ARNT2: variants seen among roughly 807,000 people sequenced by gnomAD.
ARNT2 encodes ARNT protein 2.
ARNT2 carries 36 observed loss-of-function variants against 91.7 expected under a neutral mutation model. The observed-to-expected ratio is 0.39, with a 90% CI of 0.30 to 0.52. The LOEUF (loss-of-function observed/expected upper bound fraction) is 0.52, where lower values mean the gene tolerates loss of function less well. Among genes scored for constraint, ARNT2 ranks in the 20% least tolerant of loss-of-function variants. ARNT2 has a pLI of 0.72. For synonymous variants in ARNT2, 365 were observed against 347.1 expected, an observed-to-expected ratio of 1.05 and a Z score of -0.57; for missense variants, 775 against 939.3, an observed-to-expected ratio of 0.83 and a Z score of 2.29.
chr15:80,528,120 T>C (rs893030317), intron 8 of ARNT2, among the ~76,000 whole-genome samples: 2 of 151,988 alleles, frequency 1.3e-5, no homozygotes, highest in Non-Finnish European at 2.9e-5. Context: ...GCCGTGCACA[T>C]GGGGAGGGGT....
intron 8 of ARNT2, among the ~76,000 whole-genome samples, chr15:80,540,686 C>T (rs1373218363): frequency 4.6e-5 from 7 of 151,986 alleles, no homozygotes; most frequent in Non-Finnish European, 1.5e-5. Context: ...TCTATTGTTG[C>T]CATCTTTATA....
intron 5 of ARNT2, among the ~76,000 whole-genome samples, chr15:80,502,429 G>T (rs1897213103): frequency 6.6e-6 from 1 of 152,324 alleles, no homozygotes; most frequent in South Asian, 2.1e-4. Context: ...AAAGAGAAAG[G>T]CTGTGGGTGC....
intron 17 of ARNT2, among the ~76,000 whole-genome samples, chr15:80,584,924 G>A (rs1255746359): frequency 6.6e-6 from 1 of 152,244 alleles, no homozygotes; most frequent in Non-Finnish European, 1.5e-5. Flanking sequence ...TGGACCAGGG[G>A]CAGACATCGA....
Position 80,595,105 on chromosome 15 carries a change from G to A in ARNT2, c.*1407G>A, listed in dbSNP as rs1365547727. The A allele has an allele frequency of 1.3e-5, 2 of 152,256 alleles. No homozygotes were observed. The highest frequency in any genetic ancestry group is 2.9e-5 in the Non-Finnish European group (2 of 68,114). 9.4% of individuals were successfully genotyped at this position (152,256 alleles called of 1,614,324 possible). On this transcript the variant is annotated 3_prime_UTR_variant, in exon 19 of 19. Transcript: ENST00000303329. ...ATGAATCCATCCCCCTGTTTTCAGG[G>A]ACCTCTGCCTTCTCCCACACCCCTT...
intron 14 of ARNT2, among the ~76,000 whole-genome samples, chr15:80,576,338 G>A (rs888366129): frequency 1.7e-4 from 26 of 151,902 alleles, no homozygotes; most frequent in African/African-American, 4.1e-4. Context: ...GTGCAGTGGC[G>A]TGATCTCAGC....
chr15:80,478,855 T>C (rs1351712564), intron 5 of ARNT2, among the ~76,000 whole-genome samples: 1 of 152,116 alleles, frequency 6.6e-6, no homozygotes, highest in Non-Finnish European at 1.5e-5. Context: ...TCAGGTGTGG[T>C]TTAATGCCTT....
intron 3 of ARNT2, among the ~76,000 whole-genome samples, chr15:80,468,550 C>T (rs184607131): frequency 5.3e-5 from 8 of 152,278 alleles, no homozygotes; most frequent in African/African-American, 1.4e-4. Flanking sequence ...AAATAGACCT[C>T]CTCTACTTGC....
At chr15:80,459,833 T>C (rs557503214) in intron 3 of ARNT2, among the ~76,000 whole-genome samples, 1 of 152,282 alleles carries the variant, frequency 6.6e-6, no homozygotes, top group South Asian at 2.1e-4. Flanking sequence ...CTGTTACTAA[T>C]AGGAATGAGT....
At chr15:80,445,326 G>GGTGT (rs1896280353) in intron 1 of ARNT2, among the ~76,000 whole-genome samples, 1 of 150,018 alleles carries the variant, frequency 6.7e-6, no homozygotes, top group African/African-American at 2.5e-5. Flanking sequence ...GGGGGTGTGT[G>GGTGT]GTGTGAGTGG....
rs367547537 is a variant in ARNT2 at position 80,522,798 on chromosome 15, A to ATGTG, written c.877+8413_877+8416dup. On this transcript the variant is annotated intron_variant, in intron 8 of 18. Coordinates refer to ENST00000303329, the MANE Select transcript of ARNT2 (RefSeq NM_014862.4). Reference sequence around the variant, plus strand: ...ATATATATCTGTTTGATATTTACATATGTGTGTGTGTGTGTGTGTGTGTAT... The same window carrying ATGTG: ...ATATATATCTGTTTGATATTTACATATGTGTGTGTGTGTGTGTGTGTGTGTGTAT... 1.5e-4 allele frequency among the ~76,000 whole-genome samples: 22 copies of ATGTG among 142,502 alleles called. No homozygotes were observed. In the East Asian group the frequency reaches 2.6e-3, roughly 17 times the overall value. The allele number at this position is 142,502 out of a possible 152,430, so 93.5% of individuals were successfully genotyped here.
At chr15:80,503,726 C>G (rs993896099) in intron 5 of ARNT2, among the ~76,000 whole-genome samples, 3 of 152,252 alleles carry the variant, frequency 2.0e-5, no homozygotes, top group Non-Finnish European at 4.4e-5. Flanking sequence ...AGCGCAGAAT[C>G]AGCAGACGCC....
chr15:80,552,528 C>T, intron 9 of ARNT2, 112 bp from the exon 10 acceptor site: 2 of 1,352,846 alleles, frequency 1.5e-6, no homozygotes, highest in Non-Finnish European at 1.0e-6. Flanking sequence ...TACTAAATGA[C>T]ATGGAAGGAT....
At chr15:80,573,779 T>C (rs376181970) in intron 12 of ARNT2, among the ~76,000 whole-genome samples, 8 of 152,242 alleles carry the variant, frequency 5.3e-5, no homozygotes, top group African/African-American at 1.4e-4. Flanking sequence ...GATGAGATAA[T>C]GTAAACACCC....
At chr15:80,424,276 G>A (rs919568290) in intron 1 of ARNT2, among the ~76,000 whole-genome samples, 1 of 152,238 alleles carries the variant, frequency 6.6e-6, no homozygotes, top group Non-Finnish European at 1.5e-5. Flanking sequence ...TCCCCAGAAG[G>A]GAGACGAGGA....
intron 5 of ARNT2, among the ~76,000 whole-genome samples, chr15:80,491,796 C>CTTTTTT (rs58958624): frequency 2.8e-4 from 19 of 67,588 alleles, no homozygotes; most frequent in Middle Eastern, 0.018. Context: ...CAGGACAGGC[C>CTTTTTT]TTTTTTTTTT....
intron 1 of ARNT2, among the ~76,000 whole-genome samples, chr15:80,424,064 G>A (rs1241120394): frequency 1.3e-5 from 2 of 152,186 alleles, no homozygotes; most frequent in African/African-American, 4.8e-5. Context: ...TCTTACCAAT[G>A]AAAACTCCAG....
At chr15:80,440,125 C>T (rs963043330) in intron 1 of ARNT2, among the ~76,000 whole-genome samples, 1 of 152,174 alleles carries the variant, frequency 6.6e-6, no homozygotes, top group Non-Finnish European at 1.5e-5. Flanking sequence ...AGTTCACTGA[C>T]GGACACCAAT....
chr15:80,496,051 T>G (rs1398310968), intron 5 of ARNT2, among the ~76,000 whole-genome samples: 1 of 152,238 alleles, frequency 6.6e-6, no homozygotes, highest in African/African-American at 2.4e-5. Flanking sequence ...CTTCCCCTAC[T>G]CTGTGAGCCA....
intron 12 of ARNT2, among the ~76,000 whole-genome samples, chr15:80,572,164 T>C (rs1226251554): frequency 1.3e-5 from 2 of 150,980 alleles, no homozygotes; most frequent in East Asian, 3.9e-4. Flanking sequence ...ACTGTGAGCC[T>C]AAGGTGAGTT....
Sources: allele counts gnomAD v4.1 joint callset (sites outside exome capture counted in the v4.1 genomes callset), GRCh38; gene constraint gnomAD v4.1.1; transcripts MANE v1.5; gene names NCBI Gene and HGNC (gene_info 2026-07-23, HGNC 2026-07-21).